CCDC178: variants seen among roughly 807,000 people sequenced by gnomAD.
CCDC178 encodes coiled-coil domain containing 178, also known as coiled-coil domain-containing protein 178.
Under a neutral mutation model 117.4 loss-of-function variants are expected in CCDC178, and 126 were observed. The ratio of observed to expected loss-of-function variants is 1.07; its 90% confidence interval spans 0.93 to 1.24. The LOEUF is 1.24. Ranked by LOEUF, CCDC178 falls within the 50% of genes most tolerant of loss-of-function variation. The pLI, the probability that CCDC178 is intolerant of heterozygous loss-of-function variation, is 0.00. For missense variants in CCDC178, 1,030 were observed against 986.9 expected (o/e 1.04, Z -0.59); for synonymous variants, 283 against 313.4 (o/e 0.90, Z 1.02).
intron 3 of CCDC178, among the ~76,000 whole-genome samples, chr18:33,408,027 C>A (rs1197946603): frequency 6.6e-6 from 1 of 151,592 alleles, no homozygotes; most frequent in Non-Finnish European, 1.5e-5. Flanking sequence ...GAAACAAAAT[C>A]TACAAATATA....
At chr18:32,943,198 A>G (rs2054277248) in intron 22 of CCDC178, among the ~76,000 whole-genome samples, 3 of 152,204 alleles carry the variant, frequency 2.0e-5, no homozygotes, top group Admixed American at 1.3e-4. Flanking sequence ...ATGGAGAGAA[A>G]GTGATCCTTT....
At chr18:33,337,740 C>T (rs974659721) in intron 9 of CCDC178, among the ~76,000 whole-genome samples, 1 of 152,072 alleles carries the variant, frequency 6.6e-6, no homozygotes, top group Non-Finnish European at 1.5e-5. Flanking sequence ...TCATCTCTTG[C>T]CTTATACAAA....
intron 5 of CCDC178, among the ~76,000 whole-genome samples, chr18:33,381,732 C>T (rs936748209): frequency 2.0e-5 from 3 of 152,142 alleles, no homozygotes; most frequent in African/African-American, 7.2e-5. Context: ...TTGAAGATAT[C>T]TGTCATCCAT....
At chr18:33,351,130 T>C (rs1420031961) in intron 7 of CCDC178, among the ~76,000 whole-genome samples, 1 of 150,606 alleles carries the variant, frequency 6.6e-6, no homozygotes, top group Non-Finnish European at 1.5e-5. Context: ...ATTTCTAGGA[T>C]AAATCTCACT....
chr18:33,284,870 A>G (rs1275880904), intron 12 of CCDC178, among the ~76,000 whole-genome samples: 1 of 152,072 alleles, frequency 6.6e-6, no homozygotes, highest in African/African-American at 2.4e-5. Flanking sequence ...TCCACAAAGA[A>G]TATCAGGAAA....
At chr18:33,226,363 A>C (rs1326500881) in intron 16 of CCDC178, among the ~76,000 whole-genome samples, 1 of 152,212 alleles carries the variant, frequency 6.6e-6, no homozygotes, top group African/African-American at 2.4e-5. Flanking sequence ...TTAAAAATTC[A>C]AGTTGTTTTT....
chr18:33,245,571 A>C (rs2059540502), intron 14 of CCDC178, 143 bp from the exon 15 acceptor site: 2 of 925,664 alleles, frequency 2.2e-6, no homozygotes, highest in Admixed American at 4.0e-5. Context: ...TGAAGACAGA[A>C]CATGTGTCCT....
intron 18 of CCDC178, among the ~76,000 whole-genome samples, chr18:33,216,782 A>G (rs1231586370): frequency 6.6e-6 from 1 of 151,988 alleles, no homozygotes; most frequent in Admixed American, 6.6e-5. Flanking sequence ...CTGATAAATA[A>G]AAGGATTTTT....
intron 4 of CCDC178, among the ~76,000 whole-genome samples, chr18:33,391,843 A>G (rs180976339): frequency 1.0e-3 from 152 of 152,204 alleles, no homozygotes; most frequent in African/African-American, 3.5e-3. Context: ...AGGACATTAA[A>G]GGGAAACATA....
At chr18:33,428,159 T>C (rs1412173298) in intron 2 of CCDC178, among the ~76,000 whole-genome samples, 2 of 152,202 alleles carry the variant, frequency 1.3e-5, no homozygotes, top group African/African-American at 4.8e-5. Flanking sequence ...TCAATAACTA[T>C]TTATTGAACA....
intron 11 of CCDC178, among the ~76,000 whole-genome samples, chr18:33,300,391 T>C (rs942953508): frequency 9.9e-5 from 15 of 152,216 alleles, no homozygotes; most frequent in Non-Finnish European, 1.6e-4. Context: ...GGCATTGCTA[T>C]AAAGATACTT....
intron 5 of CCDC178, among the ~76,000 whole-genome samples, chr18:33,371,258 G>A (rs1172033070): frequency 1.3e-5 from 2 of 149,784 alleles, no homozygotes; most frequent in African/African-American, 2.4e-5. Context: ...TACAATGTTC[G>A]ACTCTCTCTC....
intron 21 of CCDC178, among the ~76,000 whole-genome samples, chr18:33,075,057 T>G (rs1238560439): frequency 6.6e-6 from 1 of 152,158 alleles, no homozygotes; most frequent in African/African-American, 2.4e-5. Flanking sequence ...TGAAAAGACA[T>G]CTATATTAGG....
At chr18:32,976,860 T>G (rs2055037967) in intron 21 of CCDC178, among the ~76,000 whole-genome samples, 1 of 152,160 alleles carries the variant, frequency 6.6e-6, no homozygotes, top group South Asian at 2.1e-4. Flanking sequence ...AAACACATAT[T>G]GCAGTATAGT....
chr18:32,954,368 G>A (rs553785139), intron 22 of CCDC178: 3 of 151,998 alleles, frequency 2.0e-5, no homozygotes, highest in Non-Finnish European at 4.4e-5. Flanking sequence ...AGATATGTAT[G>A]TATCATATAC....
rs549807478 is a variant in CCDC178, at chr18:33,228,056, C to T, written c.1594-1201G>A. ...ATATTCCAAAATAGCTCGATTTGAC[C>T]TTTGTCTGAAACTAATTGAAAAATG... is the stretch of plus-strand genomic sequence containing the variant. On this transcript the variant is annotated intron_variant, in intron 15 of 22. Coordinates refer to ENST00000383096, the MANE Select transcript of CCDC178 (RefSeq NM_001105528.4). 1.2e-4 allele frequency among the ~76,000 whole-genome samples: 19 copies of T among 152,134 alleles called. No individual in the cohort carries two copies. The South Asian group carries it at 4.0e-3, about 32-fold the overall frequency.
chr18:33,066,740 T>G (rs558742452), intron 21 of CCDC178, among the ~76,000 whole-genome samples: 11 of 152,188 alleles, frequency 7.2e-5, no homozygotes, highest in Non-Finnish European at 1.5e-4. Flanking sequence ...AGTAAAAGAC[T>G]GTAGAAACGG....
intron 21 of CCDC178, among the ~76,000 whole-genome samples, chr18:33,036,039 G>T (rs117942546): frequency 4.2e-3 from 636 of 151,716 alleles, no homozygotes; most frequent in Admixed American, 4.7e-3. Flanking sequence ...ATAGTAATGT[G>T]GCATTTTATA....
chr18:33,325,400 C>A (rs1023980927), intron 10 of CCDC178, among the ~76,000 whole-genome samples: 2 of 151,940 alleles, frequency 1.3e-5, no homozygotes, highest in African/African-American at 2.4e-5. Flanking sequence ...TTCTCTTACA[C>A]TGAAGAATTC....
Sources: allele counts gnomAD v4.1 joint callset (sites outside exome capture counted in the v4.1 genomes callset), GRCh38; gene constraint gnomAD v4.1.1; transcripts MANE v1.5; gene names NCBI Gene and HGNC (gene_info 2026-07-23, HGNC 2026-07-21).